ALK: variants seen among roughly 807,000 people sequenced by gnomAD.
ALK encodes ALK receptor tyrosine kinase.
ALK carries 74 observed loss-of-function variants against 163.1 expected under a neutral mutation model. The ratio of observed to expected loss-of-function variants is 0.45; its 90% confidence interval spans 0.38 to 0.55. The LOEUF is 0.55. Ranked by LOEUF, ALK falls within the 20% of genes least tolerant of loss-of-function variation. ALK has a pLI of 0.00. For synonymous variants in ALK, 960 were observed against 843.2 expected (o/e 1.14, Z -2.40); for missense variants, 2,063 against 2,105.3 (o/e 0.98, Z 0.39).
At position 29,364,094 on chromosome 2, in the gene ALK, A is replaced by G. The variant is rs543011271; in HGVS notation, c.1282+19638T>C. 4.6e-5 allele frequency among the ~76,000 whole-genome samples: 7 copies of G among 152,332 alleles called. No individual in the cohort carries two copies. The South Asian group carries it at 1.2e-3, about 27-fold the overall frequency. ...ATGGGGAAAATCTGAATATTACTGT[A>G]CTAATATTCTACATTGAATTAGAAT... is the stretch of plus-strand genomic sequence containing the variant. On this transcript the variant is annotated intron_variant, in intron 5 of 28. Transcript: ENST00000389048.
intron 9 of ALK, among the ~76,000 whole-genome samples, chr2:29,287,312 C>A (rs763916518): frequency 1.1e-4 from 17 of 152,096 alleles, no homozygotes; most frequent in Non-Finnish European, 2.4e-4. Context: ...TACATTTAGG[C>A]CATGTTTCAA....
intron 4 of ALK, among the ~76,000 whole-genome samples, chr2:29,432,347 C>G (rs1463398476): frequency 6.6e-6 from 1 of 152,110 alleles, no homozygotes; most frequent in South Asian, 2.1e-4. Flanking sequence ...CTTCCCATTG[C>G]TCTCTCCCTT....
intron 13 of ALK, among the ~76,000 whole-genome samples, chr2:29,234,318 G>T (rs1374903968): frequency 6.6e-6 from 1 of 152,190 alleles, no homozygotes; most frequent in Non-Finnish European, 1.5e-5. Flanking sequence ...GCACTGCAAG[G>T]AGTGGACTTC....
intron 1 of ALK, among the ~76,000 whole-genome samples, chr2:29,829,824 C>T (rs997490993): frequency 6.6e-6 from 1 of 152,214 alleles, no homozygotes; most frequent in African/African-American, 2.4e-5. Flanking sequence ...GCCTGCATGG[C>T]CCTAACCTGT....
rs2148136768 is a variant in ALK at position 29,193,194 on chromosome 2, C to A, written c.*30G>T. On this transcript the variant is annotated 3_prime_UTR_variant, in exon 29 of 29. Transcript: ENST00000389048. ...CTCTCCTCCACGGTCTTAGGGATCC[C>A]AAGGAAGAGAAGTGAGTGTGCGACC... 1 of 1,608,316 alleles carries A rather than the reference C, an allele frequency of 6.2e-7. No homozygotes were observed. Among genetic ancestry groups the A allele is most frequent in the Non-Finnish European group, 8.5e-7 (1 of 1,175,894 alleles).
At chr2:29,875,592 C>A (rs577422455) in intron 1 of ALK, among the ~76,000 whole-genome samples, 1 of 152,212 alleles carries the variant, frequency 6.6e-6, no homozygotes, top group African/African-American at 2.4e-5. Flanking sequence ...TTGTCCCCTA[C>A]CCCCGACAGG....
chr2:29,752,281 G>C (rs982178986), intron 1 of ALK, among the ~76,000 whole-genome samples: 2 of 152,022 alleles, frequency 1.3e-5, no homozygotes, highest in African/African-American at 4.8e-5. Flanking sequence ...AGGTAGGCTA[G>C]GCTAGGCTAT....
intron 3 of ALK, among the ~76,000 whole-genome samples, chr2:29,612,411 A>G (rs1675722134): frequency 6.6e-6 from 1 of 152,120 alleles, no homozygotes; most frequent in Admixed American, 6.5e-5. Flanking sequence ...TCATCCCTGG[A>G]GTTATTTCTA....
At chr2:29,372,420 A>G (rs973672643) in intron 5 of ALK, among the ~76,000 whole-genome samples, 133 of 152,200 alleles carry the variant, frequency 8.7e-4, no homozygotes, top group African/African-American at 3.1e-3. Context: ...GATGACTCAT[A>G]CCAATTGTTT....
chr2:29,676,585 A>G (rs1464194149), intron 3 of ALK, among the ~76,000 whole-genome samples: 1 of 152,032 alleles, frequency 6.6e-6, no homozygotes, highest in Non-Finnish European at 1.5e-5. Context: ...TTTTGAAATC[A>G]GGTAGTAGAA....
At chr2:29,761,752 C>G (rs1680709003) in intron 1 of ALK, among the ~76,000 whole-genome samples, 1 of 152,186 alleles carries the variant, frequency 6.6e-6, no homozygotes, top group Non-Finnish European at 1.5e-5. Context: ...GGCTTGTCCT[C>G]TGTGAACAAG....
intron 3 of ALK, among the ~76,000 whole-genome samples, chr2:29,670,009 T>C (rs1677633520): frequency 6.6e-6 from 1 of 152,104 alleles, no homozygotes; most frequent in African/African-American, 2.4e-5. Flanking sequence ...TTTTGACAGA[T>C]TTGTCTTTTG....
At chr2:29,555,843 T>C (rs1673840038) in intron 3 of ALK, among the ~76,000 whole-genome samples, 1 of 152,246 alleles carries the variant, frequency 6.6e-6, no homozygotes, top group African/African-American at 2.4e-5. Flanking sequence ...AAATGGTCAG[T>C]TGTTTAGGAC....
chr2:29,678,693 A>C (rs1046493464), intron 3 of ALK, among the ~76,000 whole-genome samples: 20 of 151,342 alleles, frequency 1.3e-4, no homozygotes, highest in Admixed American at 5.9e-4. Flanking sequence ...TTTAATTTTA[A>C]TTAAATTTAA....
At chr2:29,539,054 C>G (rs1462472633) in intron 3 of ALK, among the ~76,000 whole-genome samples, 2 of 151,934 alleles carry the variant, frequency 1.3e-5, no homozygotes, top group Non-Finnish European at 2.9e-5. Context: ...TCCACACCCC[C>G]CTCCCAAATC....
intron 1 of ALK, among the ~76,000 whole-genome samples, chr2:29,771,544 T>G (rs564745398): frequency 1.9e-4 from 29 of 151,582 alleles, no homozygotes; most frequent in South Asian, 1.0e-3. Flanking sequence ...CTTTTTTTTT[T>G]GGGTTGGGGG....
At position 29,555,962 on chromosome 2, in the gene ALK, T is replaced by C. The variant is rs139287711; in HGVS notation, c.953-23846A>G. On this transcript the variant is annotated intron_variant, in intron 3 of 28. Coordinates refer to ENST00000389048, the MANE Select transcript of ALK (RefSeq NM_004304.5). ...TCAGACTGTTAAAAGTATAATCTTG[T>C]GTAGAAAGAAACAATCTAAAATGCC... Among the ~76,000 whole-genome samples the C allele has an allele frequency of 7.2e-5, 11 of 152,350 alleles. No homozygotes were observed. The East Asian group carries it at 2.1e-3, about 29-fold the overall frequency.
intron 3 of ALK, among the ~76,000 whole-genome samples, chr2:29,685,212 C>A (rs565866365): frequency 1.3e-5 from 2 of 152,266 alleles, no homozygotes; most frequent in South Asian, 2.1e-4. Flanking sequence ...AGTTTCACTG[C>A]CTCCTCCAAC....
At chr2:29,600,444 G>T (rs1334887211) in intron 3 of ALK, among the ~76,000 whole-genome samples, 1 of 152,234 alleles carries the variant, frequency 6.6e-6, no homozygotes, top group Non-Finnish European at 1.5e-5. Flanking sequence ...AGAAATTTTG[G>T]AAATGAAGGC....
Sources: gnomAD v4.1 joint callset for allele counts (sites outside exome capture counted in the v4.1 genomes callset) on GRCh38, gnomAD v4.1.1 for gene constraint, MANE v1.5 for transcripts, NCBI Gene and HGNC (gene_info 2026-07-23, HGNC 2026-07-21) for gene names.